The following VGLL4 variants were observed in gnomAD, a reference collection of about 807,000 sequenced individuals.
VGLL4 encodes the protein vestigial like family member 4.
Under a neutral mutation model 21.0 loss-of-function variants are expected in VGLL4, and 7 were observed. The observed-to-expected ratio is 0.33, with a 90% CI of 0.19 to 0.63. VGLL4 has a LOEUF of 0.63. Ranked by LOEUF, VGLL4 falls within the 20% of genes least tolerant of loss-of-function variation. The pLI is 0.78. For synonymous variants in VGLL4, 222 were observed against 173.2 expected (o/e 1.28, Z -2.21); for missense variants, 394 against 425.7 (o/e 0.93, Z 0.66).
intron 2 of VGLL4, among the ~76,000 whole-genome samples, chr3:11,567,356 C>T (rs754689422): frequency 7.9e-5 from 12 of 152,146 alleles, no homozygotes; most frequent in Non-Finnish European, 1.5e-4. Flanking sequence ...ATTAGCTGTA[C>T]AGGACCCAGT....
chr3:11,586,091 T>C (rs1389100633), intron 2 of VGLL4, among the ~76,000 whole-genome samples: 1 of 152,198 alleles, frequency 6.6e-6, no homozygotes, highest in Non-Finnish European at 1.5e-5. Context: ...GTGTGATTCA[T>C]TACTGAATCT....
intron 1 of VGLL4, chr3:11,607,375 G>A (rs1356957232): frequency 6.6e-6 from 1 of 152,196 alleles, no homozygotes; most frequent in East Asian, 1.9e-4. Flanking sequence ...AATGTCAGAA[G>A]AGGGAGGCTC....
intron 3 of VGLL4, among the ~76,000 whole-genome samples, chr3:11,559,848 G>T (rs552216040): frequency 1.3e-5 from 2 of 152,152 alleles, no homozygotes; most frequent in African/African-American, 4.8e-5. Flanking sequence ...CCACTGAGCC[G>T]CGGGTGTGCC....
intron 2 of VGLL4, among the ~76,000 whole-genome samples, chr3:11,577,676 G>C (rs1280365156): frequency 6.6e-6 from 1 of 152,204 alleles, no homozygotes; most frequent in Admixed American, 6.5e-5. Flanking sequence ...TAACAGGAGA[G>C]AGATGTGGAA....
rs539197054 is a variant in VGLL4, at chr3:11,642,410, G to T, written c.82+1027C>A. On this transcript the variant is annotated intron_variant, in intron 1 of 4. Coordinates refer to ENST00000430365, the MANE Select transcript of VGLL4 (RefSeq NM_001128219.3). ...GTTTTTAGATTAAAAAAATACAAGT[G>T]AATCACCCTCCCAAGTTTTTGTAAC... Among the ~76,000 whole-genome samples the T allele has an allele frequency of 1.2e-3, 188 of 152,184 alleles. 3 individuals carry two copies. Among genetic ancestry groups the T allele is most frequent in the Middle Eastern group, 6.8e-3 (2 of 294 alleles).
chr3:11,674,925 A>G (rs2125372860), intron 2 of VGLL4, among the ~76,000 whole-genome samples: 1 of 152,346 alleles, frequency 6.6e-6, no homozygotes, highest in South Asian at 2.1e-4. Context: ...GGCATTCAGA[A>G]AGTGTAGTCT....
chr3:11,687,421 T>C (rs1490845366), intron 2 of VGLL4, among the ~76,000 whole-genome samples: 1 of 152,242 alleles, frequency 6.6e-6, no homozygotes, highest in Non-Finnish European at 1.5e-5. Flanking sequence ...TTGTTAGATA[T>C]GTCCCTAAAT....
chr3:11,665,106 T>TC lies in VGLL4; in HGVS notation c.64+37864_64+37865insG, dbSNP rs1559932598. 3.6e-4 allele frequency among the ~76,000 whole-genome samples: 33 copies of TC among 92,092 alleles called. 2 individuals carry two copies. Among genetic ancestry groups the TC allele is most frequent in the East Asian group, 7.8e-4 (3 of 3,832 alleles). The allele number at this position is 92,092 out of a possible 152,430, so 60.4% of individuals were successfully genotyped here. A position where few individuals can be genotyped will look rare whatever the true frequency, so the allele number is the denominator to read the frequency against. Reference sequence around the variant, plus strand: ...AAAGCAATTTGAATATTTTTCTTTTTTTTTTTTTTTTTTTTTTTTTTTTTT... The same window carrying TC: ...AAAGCAATTTGAATATTTTTCTTTTTCTTTTTTTTTTTTTTTTTTTTTTTTT... On this transcript the variant is annotated intron_variant, in intron 2 of 5. Transcript: ENST00000273038.
intron 2 of VGLL4, among the ~76,000 whole-genome samples, chr3:11,668,094 A>G (rs2076154128): frequency 6.6e-6 from 1 of 151,756 alleles, no homozygotes; most frequent in Non-Finnish European, 1.5e-5. Flanking sequence ...GCCTCAAGTG[A>G]TCTGCCTGCC....
intron 2 of VGLL4, among the ~76,000 whole-genome samples, chr3:11,581,636 CA>C (rs2074231214): frequency 6.6e-6 from 1 of 152,186 alleles, no homozygotes; most frequent in Non-Finnish European, 1.5e-5. Context: ...AAAGATCTCT[CA>C]ATCTCTAATT....
chr3:11,589,632 CA>C (rs2074437965), intron 2 of VGLL4, among the ~76,000 whole-genome samples: 1 of 152,198 alleles, frequency 6.6e-6, no homozygotes, highest in Admixed American at 6.5e-5. Flanking sequence ...GCTGCCATAA[CA>C]AAATACTGTG....
rs1260248227 is a variant in VGLL4, at chr3:11,565,831, A to AC, written c.273-813dup. Reference sequence around the variant, plus strand: ...TACGTGTTGCATCTATTAGACACCAACCCCACACAGGTAAGCCATGGCCAG... The same window carrying AC: ...TACGTGTTGCATCTATTAGACACCAACCCCCACACAGGTAAGCCATGGCCAG... On this transcript the variant is annotated intron_variant, in intron 2 of 4. Transcript: ENST00000430365. This position sits in a 1 kb window ranked among gnomAD's most constrained non-coding sequence, Gnocchi z 4.1. 1.3e-5 allele frequency among the ~76,000 whole-genome samples: 2 copies of AC among 151,934 alleles called. No homozygotes were observed. The highest frequency in any genetic ancestry group is 4.2e-4 in the South Asian group (2 of 4,802).
chr3:11,706,832 G>C (rs541057766), intron 1 of VGLL4, among the ~76,000 whole-genome samples: 1 of 152,236 alleles, frequency 6.6e-6, no homozygotes, highest in South Asian at 2.1e-4. Flanking sequence ...GGCCAGACCT[G>C]ACTAGCTAGA....
At chr3:11,580,414 T>C (rs550800296) in intron 2 of VGLL4, among the ~76,000 whole-genome samples, 1 of 152,380 alleles carries the variant, frequency 6.6e-6, no homozygotes, top group Admixed American at 6.5e-5. Context: ...ACTTGGGTTG[T>C]TTCCAACTTT....
intron 1 of VGLL4, among the ~76,000 whole-genome samples, chr3:11,622,243 T>G (rs1356923540): frequency 6.6e-6 from 1 of 152,208 alleles, no homozygotes. Flanking sequence ...TATCTTCCCA[T>G]CCGGTTTCTT....
chr3:11,650,290 A>G (rs115248623), intron 2 of VGLL4, among the ~76,000 whole-genome samples: 3,778 of 152,270 alleles, frequency 0.025, 141 homozygotes, highest in African/African-American at 0.084. Context: ...TTTGTGGAAT[A>G]ATGGCAATAT....
At chr3:11,649,340 A>G (rs1410711453) in intron 2 of VGLL4, among the ~76,000 whole-genome samples, 1 of 152,250 alleles carries the variant, frequency 6.6e-6, no homozygotes, top group East Asian at 1.9e-4. Context: ...ATATATATAT[A>G]GGAAAAAGTA....
intron 2 of VGLL4, among the ~76,000 whole-genome samples, chr3:11,695,429 T>C (rs138207953): frequency 9.2e-4 from 140 of 152,180 alleles, no homozygotes; most frequent in African/African-American, 3.1e-3. Flanking sequence ...TACTCTCATA[T>C]AGAAAAATAA....
chr3:11,647,979 A>G (rs892406072), upstream of VGLL4, among the ~76,000 whole-genome samples: 1 of 117,420 alleles, frequency 8.5e-6, no homozygotes, highest in Non-Finnish European at 1.7e-5. Flanking sequence ...GGGTACAATC[A>G]GCTCATCCAT....
Sources: allele counts gnomAD v4.1 joint callset (sites outside exome capture counted in the v4.1 genomes callset), GRCh38; gene constraint gnomAD v4.1.1; non-coding constraint Gnocchi (gnomAD v3.1); transcripts MANE v1.5; gene names NCBI Gene and HGNC (gene_info 2026-07-23, HGNC 2026-07-21).